Variants in LAMP1 observed in about 807,000 individuals in gnomAD.
The protein encoded by LAMP1 is lysosome-associated membrane glycoprotein 1.
A neutral mutation model predicts 37.5 loss-of-function variants in LAMP1; 7 were observed. That is an observed-to-expected ratio of 0.19 (90% CI 0.11 to 0.35). The LOEUF is 0.35. LAMP1 is among the 10% of genes least tolerant of loss of function. LAMP1 has a pLI of 1.00. For missense variants in LAMP1, 537 were observed against 552.8 expected, an observed-to-expected ratio of 0.97 and a Z score of 0.29; for synonymous variants, 236 against 229.1, an observed-to-expected ratio of 1.03 and a Z score of -0.27.
chr13:113,297,797 G>T lies in LAMP1; in HGVS notation c.61+302G>T, dbSNP rs940174811. Among the ~76,000 whole-genome samples, 15 of 152,220 alleles carry T rather than the reference G, an allele frequency of 9.9e-5. No individual in the cohort carries two copies. Among genetic ancestry groups the T allele is most frequent in the African/African-American group, 3.6e-4 (15 of 41,462 alleles). ...TGAGTGCGAAAGGGAACTTCCGATG[G>T]CTTGCTCGGCGGTCTGGTGCTTTCA... On this transcript the variant is annotated intron_variant, in intron 1 of 8. Transcript: ENST00000332556. The surrounding 1 kb of genome is among the most constrained non-coding windows in gnomAD (Gnocchi z 4.4).
rs920553344 is a variant in LAMP1 at position 113,320,081 on chromosome 13, T to G, written c.751-264T>G. 6.6e-6 allele frequency among the ~76,000 whole-genome samples: 1 copy of G among 152,182 alleles called. No homozygotes were observed. Among genetic ancestry groups the G allele is most frequent in the Non-Finnish European group, 1.5e-5 (1 of 68,024 alleles). ...CGACTTGCGTGCCGTGGGGTGAGTTTGCAGGGCTGACTGCTGCAGGGGGAG... is the reference window on the plus strand; with the variant it reads ...CGACTTGCGTGCCGTGGGGTGAGTTGGCAGGGCTGACTGCTGCAGGGGGAG... On this transcript the variant is annotated intron_variant, in intron 5 of 8. Transcript: ENST00000332556. This position sits in a 1 kb window ranked among gnomAD's most constrained non-coding sequence, Gnocchi z 4.4.
At position 113,320,262 on chromosome 13, in the gene LAMP1, T is replaced by G; in HGVS notation, c.751-83T>G. 2 of 1,537,192 alleles carry G rather than the reference T, an allele frequency of 1.3e-6. No homozygotes were observed. The highest frequency in any genetic ancestry group is 1.8e-6 in the Non-Finnish European group (2 of 1,116,470). On this transcript the variant is annotated intron_variant, in intron 5 of 8. Coordinates refer to ENST00000332556, the MANE Select transcript of LAMP1 (RefSeq NM_005561.4). This position sits in a 1 kb window ranked among gnomAD's most constrained non-coding sequence, Gnocchi z 4.4. ...TGGTTAAAACAAATGTGGCCTTGAATTCACGGTTTCAGGACTGTTTGTCTT... is the reference window on the plus strand; with the variant it reads ...TGGTTAAAACAAATGTGGCCTTGAAGTCACGGTTTCAGGACTGTTTGTCTT...
In LAMP1 at chr13:113,305,189, C is replaced by T. The variant is rs552701412; in HGVS notation, c.62-1296C>T. ...AGCATCCTCTCTTTCAATATCTGCC[C>T]TCACAGTGTGCCTGAGTTGCATTTA... is the stretch of plus-strand genomic sequence containing the variant. On this transcript the variant is annotated intron_variant, in intron 1 of 8. Coordinates refer to ENST00000332556, the MANE Select transcript of LAMP1 (RefSeq NM_005561.4). 10 of 152,314 alleles carry T rather than the reference C, an allele frequency of 6.6e-5. No individual in the cohort carries two copies. In the East Asian group the frequency reaches 1.5e-3, roughly 23 times the overall value. The allele number at this position is 152,314 out of a possible 1,614,324, so 9.4% of individuals were successfully genotyped here.
intron 4 of LAMP1, among the ~76,000 whole-genome samples, chr13:113,311,178 G>T (rs1305978975): frequency 6.6e-6 from 1 of 152,140 alleles, no homozygotes; most frequent in Admixed American, 6.5e-5. Flanking sequence ...GGTAGAGAGA[G>T]AGGTGATCAC....
chr13:113,322,487 C>CG lies in LAMP1; in HGVS notation c.*67dup. ...CCTTTCTCTGGGCTTAGGGTCCTGT[C>CG]GAAGGGGAGGCACACTTTCTGGCAA... On this transcript the variant is annotated 3_prime_UTR_variant, in exon 9 of 9. Coordinates refer to ENST00000332556, the MANE Select transcript of LAMP1 (RefSeq NM_005561.4). The CG allele has an allele frequency of 6.8e-7, 1 of 1,469,186 alleles. No individual in the cohort carries two copies. Among genetic ancestry groups the CG allele is most frequent in the South Asian group, 1.3e-5 (1 of 75,804 alleles). 91.0% of individuals were successfully genotyped at this position (1,469,186 alleles called of 1,614,324 possible).
intron 1 of LAMP1, 85 bp from the exon 2 acceptor site, chr13:113,306,400 A>T: frequency 7.2e-7 from 1 of 1,387,858 alleles, no homozygotes; most frequent in Non-Finnish European, 9.8e-7. Context: ...AAAAGCCATC[A>T]CTGCTACAGC....
chr13:113,301,010 C>T (rs2042567931), intron 1 of LAMP1, among the ~76,000 whole-genome samples: 1 of 152,150 alleles, frequency 6.6e-6, no homozygotes, highest in African/African-American at 2.4e-5. Context: ...GTACCCAAGA[C>T]TTTTATTGCA....
intron 4 of LAMP1, among the ~76,000 whole-genome samples, chr13:113,311,524 G>A (rs766775758): frequency 9.9e-5 from 15 of 152,192 alleles, no homozygotes; most frequent in Non-Finnish European, 2.1e-4. Flanking sequence ...CCTTCACACA[G>A]AGACATAGTC....
At position 113,321,192 on chromosome 13, in the gene LAMP1, G is replaced by A; in HGVS notation, c.877-212G>A. On this transcript the variant is annotated intron_variant, in intron 6 of 8. Transcript: ENST00000332556. This position sits in a 1 kb window ranked among gnomAD's most constrained non-coding sequence, Gnocchi z 5.6. ...AAGACTCTCAGAGAAGGGTCTGGAA[G>A]GAACTAACCAAAATTTTCATTCCCC... 5.4e-6 allele frequency: 3 copies of A among 555,768 alleles called. No individual in the cohort carries two copies. Among genetic ancestry groups the A allele is most frequent in the Non-Finnish European group, 9.7e-6 (3 of 309,980 alleles). The allele number at this position is 555,768 out of a possible 1,614,324, so 34.4% of individuals were successfully genotyped here. A position where few individuals can be genotyped will look rare whatever the true frequency, so the allele number is the denominator to read the frequency against.
Position 113,321,231 on chromosome 13 carries a change from G to T in LAMP1, c.877-173G>T, listed in dbSNP as rs1040829196. On this transcript the variant is annotated intron_variant, in intron 6 of 8. Transcript: ENST00000332556. The surrounding 1 kb of genome is among the most constrained non-coding windows in gnomAD (Gnocchi z 5.6). The stretch of plus-strand genomic sequence containing the variant: ...TTTTCATTCCCCAGAGATACACAAC[G>T]CCTTTTATAGACAAGATCTTTTGCA... 1.6e-6 allele frequency: 1 copy of T among 640,884 alleles called. No homozygotes were observed. Among genetic ancestry groups the T allele is most frequent in the Non-Finnish European group, 2.8e-6 (1 of 360,006 alleles). The allele number at this position is 640,884 out of a possible 1,614,324, so 39.7% of individuals were successfully genotyped here. A position where few individuals can be genotyped will look rare whatever the true frequency, so the allele number is the denominator to read the frequency against.
intron 4 of LAMP1, among the ~76,000 whole-genome samples, chr13:113,315,382 CT>C (rs1158608278): frequency 0.042 from 2,529 of 60,404 alleles, 37 homozygotes; most frequent in African/African-American, 0.12. Context: ...TGTATCTTGT[CT>C]TTTTTTTTTT....
chr13:113,318,397 G>A (rs1017740783), intron 4 of LAMP1, among the ~76,000 whole-genome samples: 10 of 152,154 alleles, frequency 6.6e-5, no homozygotes, highest in Admixed American at 6.5e-4. Flanking sequence ...GCTCACGCGT[G>A]GTGACTCAGC....
At position 113,321,648 on chromosome 13, in the gene LAMP1, T is replaced by C. The variant is rs116326724; in HGVS notation, c.1035T>C (p.Arg345=). The C allele has an allele frequency of 6.2e-7, 1 of 1,614,218 alleles. No homozygotes were observed. The highest frequency in any genetic ancestry group is 1.3e-5 in the African/African-American group (1 of 75,046). The part of the protein sequence containing the change: ...SYKCNAEEHV[R]VTKAFSVNIF... ...AGTGCAACGCGGAGGAGCACGTCCG[T>C]GTCACGAAGGCGTTTTCAGTCAATA... is the stretch of plus-strand genomic sequence containing the variant. Residue 345 remains arginine, a synonymous_variant, in exon 8 of 9, where the codon CGT becomes CGC. Coordinates refer to ENST00000332556, the MANE Select transcript of LAMP1 (RefSeq NM_005561.4). This position sits in a 1 kb window ranked among gnomAD's most constrained non-coding sequence, Gnocchi z 5.6.
At chr13:113,316,248 C>T (rs1267504907) in intron 4 of LAMP1, among the ~76,000 whole-genome samples, 2 of 152,190 alleles carry the variant, frequency 1.3e-5, no homozygotes, top group African/African-American at 4.8e-5. Context: ...TACAGTGAGG[C>T]TCAGCCAGGC....
Position 113,322,356 on chromosome 13 carries a change from C to T in LAMP1, c.1189C>T (p.Leu397Phe). The change falls in exon 9 of 9, where the codon CTC becomes TTC. Residue 397 changes from leucine (L) to phenylalanine (F), a missense_variant. Transcript: ENST00000332556. ...AVGGALAGLVLIVLIAYLVGR... is the reference protein window; with the variant it reads ...AVGGALAGLVFIVLIAYLVGR... ...GGGTGGTGCCCTGGCGGGGCTGGTCCTCATCGTCCTCATCGCCTACCTCGT... is the reference window on the plus strand; with the variant it reads ...GGGTGGTGCCCTGGCGGGGCTGGTCTTCATCGTCCTCATCGCCTACCTCGT... The T allele has an allele frequency of 6.2e-7, 1 of 1,601,450 alleles. No homozygotes were observed. The highest frequency in any genetic ancestry group is 8.5e-7 in the Non-Finnish European group (1 of 1,173,730).
At chr13:113,310,481 A>G (rs1240019048) in intron 3 of LAMP1, among the ~76,000 whole-genome samples, 1 of 152,190 alleles carries the variant, frequency 6.6e-6, no homozygotes, top group Non-Finnish European at 1.5e-5. Context: ...AGCCGAGATC[A>G]CGCCACTGTG....
intron 4 of LAMP1, among the ~76,000 whole-genome samples, chr13:113,312,087 G>A (rs2042633502): frequency 6.6e-6 from 1 of 152,168 alleles, no homozygotes; most frequent in African/African-American, 2.4e-5. Context: ...TTCCTCAGCA[G>A]TCTTGCTTAA....
intron 1 of LAMP1, among the ~76,000 whole-genome samples, chr13:113,300,500 A>AAAAAAG (rs1421875553): frequency 2.7e-4 from 40 of 150,668 alleles, no homozygotes; most frequent in African/African-American, 8.8e-4. Context: ...AAAAAAAAAA[A>AAAAAAG]AAAAAGAAAA....
rs2042702553 is a variant in LAMP1 at position 113,321,855 on chromosome 13, C to T, written c.1114+128C>T. 1.1e-6 allele frequency: 1 copy of T among 925,394 alleles called. No individual in the cohort carries two copies. The allele number at this position is 925,394 out of a possible 1,614,324, so 57.3% of individuals were successfully genotyped here. On this transcript the variant is annotated intron_variant, in intron 8 of 8. Transcript: ENST00000332556. This position sits in a 1 kb window ranked among gnomAD's most constrained non-coding sequence, Gnocchi z 5.6. ...GTTCCTCTGCAAGGAGCTGTTTCTT[C>T]TTGCCGGTCTGAGATTCTAGAGGTA...
Sources: gnomAD v4.1 joint callset for allele counts (sites outside exome capture counted in the v4.1 genomes callset) on GRCh38, gnomAD v4.1.1 for gene constraint, Gnocchi (gnomAD v3.1) non-coding constraint, MANE v1.5 for transcripts, NCBI Gene and HGNC (gene_info 2026-07-23, HGNC 2026-07-21) for gene names.